POM121: variants seen among roughly 807,000 people sequenced by gnomAD.
POM121 encodes the protein POM121 transmembrane nucleoporin.
Under a neutral mutation model 81.3 loss-of-function variants are expected in POM121, and 32 were observed. The observed-to-expected ratio is 0.39, with a 90% CI of 0.30 to 0.53. POM121 has a LOEUF of 0.53. Among genes scored for constraint, POM121 ranks in the 20% least tolerant of loss-of-function variants. POM121 has a pLI of 0.66. For synonymous variants in POM121, 514 were observed against 694.2 expected (o/e 0.74, Z 4.08); for missense variants, 1,138 against 1,614.6 (o/e 0.70, Z 5.06).
At chr7:72,913,482 C>T (rs185868111) in intron 3 of POM121, among the ~76,000 whole-genome samples, 1 of 152,310 alleles carries the variant, frequency 6.6e-6, no homozygotes, top group Non-Finnish European at 1.5e-5. Context: ...GACCATGCAG[C>T]TTTTCCCCAC....
chr7:72,905,052 C>T (rs1203435920), intron 3 of POM121, among the ~76,000 whole-genome samples: 1 of 152,186 alleles, frequency 6.6e-6, no homozygotes, highest in East Asian at 1.9e-4. Context: ...GGACAAAGAG[C>T]CACATCAGAT....
intron 4 of POM121, among the ~76,000 whole-genome samples, chr7:72,917,566 A>T (rs1794399479): frequency 1.3e-5 from 2 of 152,092 alleles, no homozygotes; most frequent in Non-Finnish European, 2.9e-5. Flanking sequence ...GGAAGTCTGT[A>T]TTAGTTTGCT....
At chr7:72,904,568 C>T (rs1227756697) in intron 3 of POM121, among the ~76,000 whole-genome samples, 11 of 152,136 alleles carry the variant, frequency 7.2e-5, no homozygotes, top group South Asian at 4.1e-4. Context: ...CCAGAAACCA[C>T]GCTGGGAATG....
chr7:72,943,738 TAACA>T (rs1329260863), intron 11 of POM121, among the ~76,000 whole-genome samples: 1 of 151,848 alleles, frequency 6.6e-6, no homozygotes, highest in African/African-American at 2.4e-5. Flanking sequence ...TCTGAGTAGT[TAACA>T]ATTGTAAGCT....
At chr7:72,924,878 C>A, upstream of POM121, 1 of 551,724 alleles carries the variant, frequency 1.8e-6, no homozygotes, top group Non-Finnish European at 2.9e-6. Context: ...TTATCTTGGA[C>A]GCGATCCTTC....
chr7:72,890,971 A>G (rs1354658460), exon 3 of POM121: 41 of 1,324,508 alleles, frequency 3.1e-5, no homozygotes, highest in Non-Finnish European at 4.3e-5. Flanking sequence ...GGAGATCTGA[A>G]GCCGAGCAAC....
intron 3 of POM121, among the ~76,000 whole-genome samples, chr7:72,899,561 C>T (rs576688814): frequency 1.3e-4 from 19 of 151,380 alleles, no homozygotes; most frequent in Non-Finnish European, 2.5e-4. Flanking sequence ...TTTATTCTGC[C>T]TGCTTGATAT....
At chr7:72,936,653 C>G (rs1796540161) in intron 5 of POM121, among the ~76,000 whole-genome samples, 1 of 152,144 alleles carries the variant, frequency 6.6e-6, no homozygotes, top group South Asian at 2.1e-4. Context: ...CTCAGGTGAT[C>G]CTCCTGCCTC....
At chr7:72,890,488 A>G (rs1296150484) in intron 1 of POM121, 19 of 1,109,478 alleles carry the variant, frequency 1.7e-5, no homozygotes, top group Non-Finnish European at 2.1e-5. Context: ...TGTGTTTCCA[A>G]TATGATTTCC....
intron 3 of POM121, among the ~76,000 whole-genome samples, chr7:72,893,069 G>A (rs1443370824): frequency 1.3e-5 from 2 of 151,928 alleles, no homozygotes; most frequent in Non-Finnish European, 2.9e-5. Flanking sequence ...AGTGATTCTT[G>A]TGCTCAGCCT....
intron 11 of POM121, among the ~76,000 whole-genome samples, chr7:72,944,770 C>G (rs1423356736): frequency 6.6e-6 from 1 of 151,748 alleles, no homozygotes; most frequent in Non-Finnish European, 1.5e-5. Flanking sequence ...GACAGTGTGG[C>G]TGCAGGAGTG....
rs1471883407 is a variant in POM121 at position 72,946,383 on chromosome 7, G to A, written c.*149G>A. ...CCGCCAGGGGGCAGTGGCAGCCCTGGGGCCCTTTCCCTTCTGGAGGAAGCA... is the reference window on the plus strand; with the variant it reads ...CCGCCAGGGGGCAGTGGCAGCCCTGAGGCCCTTTCCCTTCTGGAGGAAGCA... On this transcript the variant is annotated 3_prime_UTR_variant, in exon 13 of 13. Transcript: ENST00000434423. 5 of 1,438,218 alleles carry A rather than the reference G, an allele frequency of 3.5e-6. No individual in the cohort carries two copies. In the African/African-American group the frequency reaches 4.3e-5, roughly 12 times the overall value. The allele number at this position is 1,438,218 out of a possible 1,614,324, so 89.1% of individuals were successfully genotyped here. A position where few individuals can be genotyped will look rare whatever the true frequency, so the allele number is the denominator to read the frequency against.
downstream of POM121, chr7:72,948,362 G>A (rs201837093): frequency 1.7e-4 from 277 of 1,612,686 alleles, 1 homozygote; most frequent in East Asian, 6.2e-4. Context: ...AACACAGCCC[G>A]AGGAAGGGAC....
At chr7:72,893,023 A>G (rs1791462661) in intron 3 of POM121, among the ~76,000 whole-genome samples, 1 of 151,808 alleles carries the variant, frequency 6.6e-6, no homozygotes, top group African/African-American at 2.4e-5. Context: ...CAGTGGCACA[A>G]TCTTGGCTCA....
At position 72,939,320 on chromosome 7, in the gene POM121, C is replaced by T; in HGVS notation, c.1368-16C>T. 1 of 1,613,366 alleles carries T rather than the reference C, an allele frequency of 6.2e-7. No homozygotes were observed. The highest frequency in any genetic ancestry group is 1.3e-5 in the African/African-American group (1 of 75,000). ...AGAAGCCTTTCTAGACTAAATTGTT[C>T]CTTTTTTCCTGACAGAGAAGAGGAG... On this transcript the variant is annotated splice_polypyrimidine_tract_variant and intron_variant, in intron 6 of 12. Transcript: ENST00000434423.
chr7:72,939,203 C>G, intron 6 of POM121, 133 bp from the exon 7 acceptor site: 1 of 1,295,436 alleles, frequency 7.7e-7, no homozygotes, highest in Non-Finnish European at 1.0e-6. Context: ...CTTTTTTTAT[C>G]CTGGCATACT....
rs1186297280 is a variant in POM121 at position 72,904,099 on chromosome 7, C to T, written c.-215-9666C>T. ...GATTACAGGCATGAGCCACTGCACC[C>T]GGCCCAGTCTGTGTACAGCTTTGCC... On this transcript the variant is annotated intron_variant, in intron 3 of 15. Coordinates refer to the POM121 transcript ENST00000395270. Among the ~76,000 whole-genome samples the T allele has an allele frequency of 4.6e-5, 7 of 152,304 alleles. No homozygotes were observed. In the East Asian group the frequency reaches 5.8e-4, roughly 13 times the overall value.
intron 5 of POM121, 21 bp downstream of exon 5, chr7:72,930,132 A>C: frequency 6.3e-7 from 1 of 1,584,836 alleles, no homozygotes; most frequent in East Asian, 2.3e-5. Context: ...AGCTCTTTTA[A>C]TGTGGGGGAC....
intron 4 of POM121, among the ~76,000 whole-genome samples, chr7:72,918,643 G>A (rs1362613354): frequency 6.6e-6 from 1 of 152,026 alleles, no homozygotes; most frequent in Non-Finnish European, 1.5e-5. Flanking sequence ...AACAGCTCGT[G>A]CCCTCGGTCT....
Sources: allele counts gnomAD v4.1 joint callset (sites outside exome capture counted in the v4.1 genomes callset), GRCh38; gene constraint gnomAD v4.1.1; transcripts MANE v1.5; gene names NCBI Gene and HGNC (gene_info 2026-07-23, HGNC 2026-07-21).